TMEM33: variants seen among roughly 807,000 people sequenced by gnomAD.
The protein encoded by TMEM33 is transmembrane protein 33.
Under a neutral mutation model 29.7 loss-of-function variants are expected in TMEM33, and 16 were observed. That is an observed-to-expected ratio of 0.54 (90% CI 0.36 to 0.82). The LOEUF is 0.82. Ranked by LOEUF, TMEM33 falls within the 40% of genes least tolerant of loss-of-function variation. TMEM33 has a pLI of 0.00. For synonymous variants in TMEM33, 112 were observed against 109.4 expected (o/e 1.02, Z -0.15); for missense variants, 252 against 295.3 (o/e 0.85, Z 1.08).
intron 3 of TMEM33, among the ~76,000 whole-genome samples, chr4:41,940,370 C>T (rs545193295): frequency 2.0e-5 from 3 of 152,006 alleles, no homozygotes; most frequent in African/African-American, 7.2e-5. Flanking sequence ...TTATGTAAAG[C>T]ACAATAAAAT....
chr4:41,940,046 C>CCTTTTTTTTTTTTTTTTTTTT (rs1553910603), intron 3 of TMEM33, among the ~76,000 whole-genome samples: 3 of 81,354 alleles, frequency 3.7e-5, no homozygotes, highest in South Asian at 4.1e-4. Context: ...GTTAAACTTT[C>CCTTTTTTTTTTTTTTTTTTTT]TTTTTTTTTT....
chr4:41,946,768 C>T (rs1399203773), intron 5 of TMEM33, among the ~76,000 whole-genome samples: 1 of 130,920 alleles, frequency 7.6e-6, no homozygotes, highest in Non-Finnish European at 1.7e-5. Context: ...CTTTCCACCT[C>T]TTTCTTTTGT....
rs144704555 is a variant in TMEM33 at position 41,944,906 on chromosome 4, G to T, written c.510G>T (p.Ala170=). 3,717 of 1,612,458 alleles carry T rather than the reference G, an allele frequency of 2.3e-3. 7 individuals carry two copies. The highest frequency in any genetic ancestry group is 2.8e-3 in the Non-Finnish European group (3,274 of 1,179,624). Residue 170 remains alanine, a synonymous_variant, in exon 5 of 7, where the codon GCG becomes GCT. Transcript: ENST00000504986. ...IACNEIFLMP[A]TVFMLFSGQG... ...GCAATGAAATATTCCTGATGCCTGC[G>T]ACAGTTTTTATGCTTTTTAGGTAAG... is the stretch of plus-strand genomic sequence containing the variant.
chr4:41,944,715 G>A, intron 4 of TMEM33, 78 bp from the exon 5 acceptor site: 1 of 1,526,084 alleles, frequency 6.6e-7, no homozygotes, highest in Admixed American at 2.0e-5. Flanking sequence ...TGTTGGATAG[G>A]CTGTTTACCT....
At chr4:41,940,562 C>G (rs938553490) in intron 3 of TMEM33, among the ~76,000 whole-genome samples, 12 of 151,914 alleles carry the variant, frequency 7.9e-5, no homozygotes, top group African/African-American at 2.9e-4. Context: ...CGTGCGGTGG[C>G]ACTTTGGGAG....
Position 41,954,101 on chromosome 4 carries a change from G to T in TMEM33, c.646G>T (p.Glu216Ter). The T allele has an allele frequency of 6.2e-7, 1 of 1,613,852 alleles. No homozygotes were observed. Among genetic ancestry groups the T allele is most frequent in the South Asian group, 1.1e-5 (1 of 91,044 alleles). ...TLFNELRIVV[E>*]HIIMKPACPL... ...ATTTAATGAACTGAGGATTGTTGTT[G>T]AACACATAATAATGAAACCTGCTTG... Residue 216 changes from glutamate to a stop codon, truncating the protein, a stop_gained, in exon 7 of 7, where the codon GAA (glutamate) becomes TAA (stop). Coordinates refer to ENST00000504986, the MANE Select transcript of TMEM33 (RefSeq NM_018126.3). LOFTEE classifies it high-confidence loss of function.
intron 6 of TMEM33, 86 bp from the exon 7 acceptor site, chr4:41,953,984 A>T: frequency 6.5e-7 from 1 of 1,527,770 alleles, no homozygotes; most frequent in Non-Finnish European, 8.9e-7. Flanking sequence ...TAAAAAATGA[A>T]ATATCTATGG....
intron 6 of TMEM33, among the ~76,000 whole-genome samples, chr4:41,952,456 C>T (rs1713081225): frequency 6.6e-6 from 1 of 152,042 alleles, no homozygotes; most frequent in African/African-American, 2.4e-5. Flanking sequence ...CTTGATGATC[C>T]TTCATATCAC....
intron 1 of TMEM33, among the ~76,000 whole-genome samples, chr4:41,936,485 G>A (rs1277640675): frequency 6.6e-6 from 1 of 152,200 alleles, no homozygotes; most frequent in Admixed American, 6.5e-5. Flanking sequence ...TGAAGCTGCC[G>A]TGAGCCAAGA....
At chr4:41,942,757 G>T (rs1051653277) in intron 3 of TMEM33, among the ~76,000 whole-genome samples, 1 of 151,982 alleles carries the variant, frequency 6.6e-6, no homozygotes, top group Non-Finnish European at 1.5e-5. Context: ...TTTATCCATG[G>T]CATAAAGCCA....
intron 1 of TMEM33, among the ~76,000 whole-genome samples, chr4:41,938,383 ACTT>A (rs979628787): frequency 2.7e-4 from 41 of 152,252 alleles, no homozygotes; most frequent in African/African-American, 8.2e-4. Context: ...CTGTTTAAGT[ACTT>A]CTTGTGCTTT....
rs1713308600 is a variant in TMEM33 at position 41,957,244 on chromosome 4, TTTA to T, written c.*3050_*3052del. 6.7e-6 allele frequency: 1 copy of T among 150,244 alleles called. No homozygotes were observed. The highest frequency in any genetic ancestry group is 2.0e-4 in the East Asian group (1 of 5,118). The allele number at this position is 150,244 out of a possible 1,614,324, so 9.3% of individuals were successfully genotyped here. A position where few individuals can be genotyped will look rare whatever the true frequency, so the allele number is the denominator to read the frequency against. ...ACTCTAATATCAATCTAAAGAGAAATTTATTATGCAATTTGTATTTAGGTTTTT... is the reference window on the plus strand; with the variant it reads ...ACTCTAATATCAATCTAAAGAGAAATTTATGCAATTTGTATTTAGGTTTTT... On this transcript the variant is annotated 3_prime_UTR_variant, in exon 7 of 7. Coordinates refer to ENST00000504986, the MANE Select transcript of TMEM33 (RefSeq NM_018126.3).
Position 41,949,961 on chromosome 4 carries a change from A to C in TMEM33, c.614+576A>C, listed in dbSNP as rs575174218. On this transcript the variant is annotated intron_variant, in intron 6 of 6. Coordinates refer to ENST00000504986, the MANE Select transcript of TMEM33 (RefSeq NM_018126.3). The stretch of plus-strand genomic sequence containing the variant: ...CTTTATGTAGAGCTGTTTTGACTCT[A>C]ATGGAGATTCTGAATGGCTAATTGC... 2.6e-5 allele frequency among the ~76,000 whole-genome samples: 4 copies of C among 152,296 alleles called. No homozygotes were observed. The South Asian group carries it at 8.3e-4, about 32-fold the overall frequency.
Position 41,944,941 on chromosome 4 carries a change from T to C in TMEM33, c.530+15T>C. The C allele has an allele frequency of 6.2e-7, 1 of 1,607,140 alleles. No individual in the cohort carries two copies. Among genetic ancestry groups the C allele is most frequent in the Non-Finnish European group, 8.5e-7 (1 of 1,178,566 alleles). ...ATGCTTTTTAGGTAAGGAAAAATTA[T>C]ATTTGTTTTGGGAGGCTGATGACTG... On this transcript the variant is annotated intron_variant, in intron 5 of 6. Transcript: ENST00000504986.
At chr4:41,935,165 C>A, upstream of TMEM33, 2 of 468,216 alleles carry the variant, frequency 4.3e-6, no homozygotes, top group Non-Finnish European at 7.7e-6. Context: ...AACCTGGAGC[C>A]GGCGGCGTAG....
At chr4:41,935,258 G>A (rs960303763), upstream of TMEM33, 3 of 619,774 alleles carry the variant, frequency 4.8e-6, no homozygotes, top group African/African-American at 1.8e-5. Flanking sequence ...GGCGGTGCGG[G>A]ACAGGTACCT....
intron 5 of TMEM33, among the ~76,000 whole-genome samples, chr4:41,948,208 T>G (rs1712878519): frequency 6.6e-6 from 1 of 152,170 alleles, no homozygotes; most frequent in African/African-American, 2.4e-5. Context: ...AATTATAAAG[T>G]GAGCACTATC....
At chr4:41,937,338 G>A (rs1712291028) in intron 1 of TMEM33, among the ~76,000 whole-genome samples, 1 of 152,132 alleles carries the variant, frequency 6.6e-6, no homozygotes, top group South Asian at 2.1e-4. Flanking sequence ...AATCATTTCA[G>A]TTTATTGGAG....
In TMEM33 at chr4:41,945,695, G is replaced by A. The variant is rs141958480; in HGVS notation, c.530+769G>A. Among the ~76,000 whole-genome samples, 506 of 152,176 alleles carry A rather than the reference G, an allele frequency of 3.3e-3. 2 individuals carry two copies. The highest frequency in any genetic ancestry group is 0.012 in the African/African-American group (485 of 41,522). On this transcript the variant is annotated intron_variant, in intron 5 of 6. Transcript: ENST00000504986. ...ACATCAAAGATGTTATTCTGGCTGG[G>A]CACAGTGGCTCATGCCTGTAATCCC...
Sources: gnomAD v4.1 joint callset for allele counts (sites outside exome capture counted in the v4.1 genomes callset) on GRCh38, gnomAD v4.1.1 for gene constraint, MANE v1.5 for transcripts, NCBI Gene and HGNC (gene_info 2026-07-23, HGNC 2026-07-21) for gene names.